The following GSE1 variants were observed in gnomAD, a reference collection of about 807,000 sequenced individuals.
The protein encoded by GSE1 is Gse1 coiled-coil protein.
GSE1 carries 32 observed loss-of-function variants against 112.6 expected under a neutral mutation model. That is an observed-to-expected ratio of 0.28 (90% CI 0.21 to 0.38). The LOEUF is 0.38. Ranked by LOEUF, GSE1 falls within the 10% of genes least tolerant of loss-of-function variation. The pLI, the probability that GSE1 is intolerant of heterozygous loss-of-function variation, is 1.00. For synonymous variants in GSE1, 1,115 were observed against 735.6 expected (o/e 1.52, Z -8.35); for missense variants, 2,348 against 1,699.2 (o/e 1.38, Z -6.71).
chr16:85,464,485 G>T (rs1304231624), intron 2 of GSE1, among the ~76,000 whole-genome samples: 1 of 152,220 alleles, frequency 6.6e-6, no homozygotes, highest in Non-Finnish European at 1.5e-5. Context: ...CCGGGTGCCC[G>T]GCTGGTGGAG....
chr16:85,331,815 T>G (rs2046381853), intron 1 of GSE1, among the ~76,000 whole-genome samples: 1 of 151,332 alleles, frequency 6.6e-6, no homozygotes, highest in Admixed American at 6.6e-5. Flanking sequence ...CCCGAAGTGC[T>G]GGGATTACAG....
At position 85,486,758 on chromosome 16, in the gene GSE1, G is replaced by T. The variant is rs539568434; in HGVS notation, c.2464+129115G>T. ...GGGCATCTGTCCTGTTGCACAGGCTGTTCTCGGGGGTTCCCCCAGCCCCCC... is the reference window on the plus strand; with the variant it reads ...GGGCATCTGTCCTGTTGCACAGGCTTTTCTCGGGGGTTCCCCCAGCCCCCC... On this transcript the variant is annotated intron_variant, in intron 2 of 2. Coordinates refer to the GSE1 transcript ENST00000637419. Among the ~76,000 whole-genome samples the T allele has an allele frequency of 3.9e-5, 6 of 152,278 alleles. 1 individual carries two copies. Among genetic ancestry groups the T allele is most frequent in the African/African-American group, 1.4e-4 (6 of 41,578 alleles).
At chr16:85,640,050 C>G (rs1056575412) in intron 2 of GSE1, among the ~76,000 whole-genome samples, 2 of 152,224 alleles carry the variant, frequency 1.3e-5, no homozygotes, top group Non-Finnish European at 2.9e-5. Context: ...AGAGCCTTCC[C>G]AGGTGGGCTG....
rs116799589 is a variant in GSE1 at position 85,496,782 on chromosome 16, C to G, written c.2465-137132C>G. ...CAGAGAGATGCTGTTGCCAGGGACCCAGGACAGGCAGGGCTGTAAAGTGCC... is the reference window on the plus strand; with the variant it reads ...CAGAGAGATGCTGTTGCCAGGGACCGAGGACAGGCAGGGCTGTAAAGTGCC... On this transcript the variant is annotated intron_variant, in intron 2 of 2. Transcript: ENST00000637419. Among the ~76,000 whole-genome samples, 453 of 152,300 alleles carry G rather than the reference C, an allele frequency of 3.0e-3. 3 individuals are homozygous for G. The highest frequency in any genetic ancestry group is 0.01 in the African/African-American group (429 of 41,554).
At chr16:85,436,718 C>T (rs2049255209) in intron 2 of GSE1, among the ~76,000 whole-genome samples, 1 of 152,242 alleles carries the variant, frequency 6.6e-6, no homozygotes, top group Non-Finnish European at 1.5e-5. Flanking sequence ...GCGCCTGTCT[C>T]CTGCCCGAGG....
chr16:85,305,960 G>T (rs2045666187), intron 1 of GSE1, among the ~76,000 whole-genome samples: 1 of 152,236 alleles, frequency 6.6e-6, no homozygotes, highest in Admixed American at 6.5e-5. Context: ...TGGTAGTGGT[G>T]CGTGCCTGTA....
chr16:85,498,645 C>T (rs28718595), intron 2 of GSE1, among the ~76,000 whole-genome samples: 1 of 152,188 alleles, frequency 6.6e-6, no homozygotes, highest in Non-Finnish European at 1.5e-5. Flanking sequence ...CACCTACAAC[C>T]TAGACACCCC....
intron 2 of GSE1, among the ~76,000 whole-genome samples, chr16:85,524,709 C>T (rs557955091): frequency 6.6e-6 from 1 of 152,162 alleles, no homozygotes; most frequent in Non-Finnish European, 1.5e-5. Flanking sequence ...CCTGTAATCA[C>T]GAGGGGGAGA....
chr16:85,581,263 C>A (rs565132308), intron 1 of GSE1, among the ~76,000 whole-genome samples: 1 of 152,248 alleles, frequency 6.6e-6, no homozygotes, highest in South Asian at 2.1e-4. Context: ...CTCTTTCTGC[C>A]CCATGCCCCC....
At chr16:85,369,697 G>A (rs1263006551) in intron 2 of GSE1, among the ~76,000 whole-genome samples, 1 of 152,200 alleles carries the variant, frequency 6.6e-6, no homozygotes, top group Non-Finnish European at 1.5e-5. Context: ...CATAGACTCC[G>A]GGGATTAGAT....
intron 1 of GSE1, among the ~76,000 whole-genome samples, chr16:85,210,189 A>T (rs565759642): frequency 6.6e-6 from 1 of 152,362 alleles, no homozygotes; most frequent in Non-Finnish European, 1.5e-5. Context: ...AACACTGGCT[A>T]CTTTGACCCA....
At chr16:85,543,521 T>C (rs2044596225) in intron 2 of GSE1, among the ~76,000 whole-genome samples, 1 of 152,162 alleles carries the variant, frequency 6.6e-6, no homozygotes, top group South Asian at 2.1e-4. Flanking sequence ...TGAGCCCTGC[T>C]GGGGGGCAGG....
intron 1 of GSE1, among the ~76,000 whole-genome samples, chr16:85,337,233 C>T (rs146111676): frequency 2.6e-4 from 39 of 152,300 alleles, no homozygotes; most frequent in African/African-American, 9.4e-4. Context: ...CTAGGCAGCA[C>T]AGCCCCCTTA....
chr16:85,448,700 C>T (rs1436443766), intron 2 of GSE1, among the ~76,000 whole-genome samples: 1 of 152,192 alleles, frequency 6.6e-6, no homozygotes, highest in Non-Finnish European at 1.5e-5. Context: ...AGGGGGGCTC[C>T]GGGGGCACCA....
intron 1 of GSE1, among the ~76,000 whole-genome samples, chr16:85,247,246 C>G (rs4075079): frequency 0.034 from 5,123 of 152,272 alleles, 402 homozygotes; most frequent in Admixed American, 0.18. Context: ...TGTCCATGCT[C>G]TGTCCCCAGC....
chr16:85,577,568 G>A (rs1300256453), intron 1 of GSE1, among the ~76,000 whole-genome samples: 1 of 152,178 alleles, frequency 6.6e-6, no homozygotes, highest in East Asian at 1.9e-4. Flanking sequence ...CCAGGAGGCA[G>A]CGCTGCGATT....
intron 1 of GSE1, among the ~76,000 whole-genome samples, chr16:85,625,734 C>T (rs1386596390): frequency 2.0e-5 from 3 of 152,138 alleles, no homozygotes; most frequent in African/African-American, 4.8e-5. Flanking sequence ...TCGTGGGGCT[C>T]GGGCAGAATA....
At chr16:85,619,502 G>A (rs532206976) in intron 1 of GSE1, among the ~76,000 whole-genome samples, 21 of 152,336 alleles carry the variant, frequency 1.4e-4, no homozygotes, top group South Asian at 1.0e-3. Flanking sequence ...GGCAAAGCCC[G>A]GGGGTGCCAA....
intron 1 of GSE1, among the ~76,000 whole-genome samples, chr16:85,587,180 C>T (rs945544538): frequency 1.3e-5 from 2 of 150,924 alleles, no homozygotes; most frequent in African/African-American, 2.4e-5. Flanking sequence ...CCCCCCCCCC[C>T]CAGACCAGAC....
Sources: gnomAD v4.1 joint callset for allele counts (sites outside exome capture counted in the v4.1 genomes callset) on GRCh38, gnomAD v4.1.1 for gene constraint, MANE v1.5 for transcripts, NCBI Gene and HGNC (gene_info 2026-07-23, HGNC 2026-07-21) for gene names.